Variants in GRAP2 observed in about 807,000 individuals in gnomAD.
GRAP2 encodes GRB2 related adaptor protein 2, also known as GRB2-related adapter protein 2.
In GRAP2, 31 loss-of-function variants were observed where a neutral mutation model predicts 43.5. The ratio of observed to expected loss-of-function variants is 0.71; its 90% confidence interval spans 0.54 to 0.96. GRAP2 has a LOEUF of 0.96. GRAP2 is among the 40% of genes least tolerant of loss of function. The probability of loss-of-function intolerance (pLI) is 0.00; values close to 1 mark genes in which losing one functional copy is unlikely to be tolerated. For missense variants in GRAP2, 371 were observed against 424.4 expected (o/e 0.87, Z 1.11); for synonymous variants, 156 against 164.8 (o/e 0.95, Z 0.41).
At chr22:39,955,360 A>T (rs1304563237) in intron 2 of GRAP2, among the ~76,000 whole-genome samples, 1 of 152,072 alleles carries the variant, frequency 6.6e-6, no homozygotes, top group African/African-American at 2.4e-5. Context: ...CTGTCTCAAA[A>T]AAACGAAAAA....
intron 3 of GRAP2, 102 bp from the exon 4 acceptor site, chr22:39,959,951 CAG>C (rs34078627): frequency 0.026 from 27,116 of 1,030,832 alleles, 454 homozygotes; most frequent in Middle Eastern, 0.041. Flanking sequence ...CCCTACTGTA[CAG>C]AGTCCCCAGC....
chr22:39,971,250 A>C lies in GRAP2; in HGVS notation c.*166A>C, dbSNP rs2067240205. The C allele has an allele frequency of 3.5e-6, 2 of 565,284 alleles. No homozygotes were observed. Among genetic ancestry groups the C allele is most frequent in the South Asian group, 5.1e-5 (2 of 39,362 alleles). 35.0% of individuals were successfully genotyped at this position (565,284 alleles called of 1,614,324 possible). The stretch of plus-strand genomic sequence containing the variant: ...TTTATTGGCAATTGGGCTGGTAATT[A>C]GTTGATGCAAAAGGGAACTCAGGTG... On this transcript the variant is annotated 3_prime_UTR_variant, in exon 8 of 8. Transcript: ENST00000344138.
At chr22:39,925,991 C>G (rs1049404771) in intron 1 of GRAP2, among the ~76,000 whole-genome samples, 7 of 152,232 alleles carry the variant, frequency 4.6e-5, no homozygotes, top group African/African-American at 1.7e-4. Context: ...GAGCTCCATG[C>G]TACCCTGCAT....
intron 1 of GRAP2, among the ~76,000 whole-genome samples, chr22:39,924,442 T>C (rs2066680345): frequency 6.6e-6 from 1 of 152,342 alleles, no homozygotes; most frequent in East Asian, 1.9e-4. Flanking sequence ...GGCTCATGCC[T>C]GTAATCCCAA....
In GRAP2 at chr22:39,947,151, T is replaced by C; in HGVS notation, c.45T>C (p.Asp15=). The change falls in exon 2 of 8, where the codon GAT becomes GAC. Residue 15 remains aspartate, a synonymous_variant. Coordinates refer to ENST00000344138, the MANE Select transcript of GRAP2 (RefSeq NM_004810.4). ...TTGATTTCACTGCTTCAGGTGAGGA[T>C]GAACTGAGCTTTCACACTGGAGATG... ...AKFDFTASGE[D]ELSFHTGDVL... is the part of the protein sequence containing the mutation. 1 of 1,604,580 alleles carries C rather than the reference T, an allele frequency of 6.2e-7. No individual in the cohort carries two copies. The highest frequency in any genetic ancestry group is 8.5e-7 in the Non-Finnish European group (1 of 1,171,268).
intron 5 of GRAP2, 104 bp downstream of exon 5, chr22:39,966,262 A>G: frequency 1.2e-6 from 1 of 835,188 alleles, no homozygotes; most frequent in Non-Finnish European, 1.9e-6. Context: ...TCCTCTGAGT[A>G]TACTGAAAGA....
intron 7 of GRAP2, 33 bp downstream of exon 7, chr22:39,969,566 G>T: frequency 6.2e-7 from 1 of 1,611,504 alleles, no homozygotes. Flanking sequence ...GGATCCCTGG[G>T]GAAAGGCCTT....
chr22:39,969,775 A>G (rs1440234750), intron 7 of GRAP2, among the ~76,000 whole-genome samples: 2 of 152,156 alleles, frequency 1.3e-5, no homozygotes, highest in African/African-American at 4.8e-5. Context: ...TTAGCCAGGC[A>G]TGGTGGCAGA....
intron 3 of GRAP2, among the ~76,000 whole-genome samples, chr22:39,958,081 C>G (rs1601733701): frequency 6.6e-6 from 1 of 152,170 alleles, no homozygotes; most frequent in African/African-American, 2.4e-5. Flanking sequence ...CCACCAGGCT[C>G]CCCATGGGCT....
At chr22:39,920,947 CA>C in intron 1 of GRAP2, among the ~76,000 whole-genome samples, 1 of 38,116 alleles carries the variant, frequency 2.6e-5, no homozygotes, top group Admixed American at 2.3e-4. Flanking sequence ...TACACAGACA[CA>C]CACACACACA....
upstream of GRAP2, among the ~76,000 whole-genome samples, chr22:39,896,598 G>C (rs1156677698): frequency 6.6e-6 from 1 of 152,148 alleles, no homozygotes; most frequent in African/African-American, 2.4e-5. Flanking sequence ...AGAGTAGTCA[G>C]CATATAGAAG....
At chr22:39,963,143 A>AAATC (rs1417250407) in intron 4 of GRAP2, among the ~76,000 whole-genome samples, 2 of 152,224 alleles carry the variant, frequency 1.3e-5, no homozygotes, top group Non-Finnish European at 2.9e-5. Flanking sequence ...TTCCAAAGCA[A>AAATC]AATCATTATT....
At position 39,920,943 on chromosome 22, in the gene GRAP2, GACACACACACACACACAC is replaced by G. The variant is rs137974; in HGVS notation, c.-15+19643_-15+19660del. Among the ~76,000 whole-genome samples the G allele has an allele frequency of 4.9e-3, 692 of 142,584 alleles. 5 individuals are homozygous for G. Among genetic ancestry groups the G allele is most frequent in the African/African-American group, 0.016 (636 of 39,374 alleles). 93.5% of individuals were successfully genotyped at this position (142,584 alleles called of 152,430 possible). A position where few individuals can be genotyped will look rare whatever the true frequency, so the allele number is the denominator to read the frequency against. ...AATGGGTATTTAACTTCTCTACACAGACACACACACACACACACACACACACACACACACACACACACA... is the reference window on the plus strand; with the variant it reads ...AATGGGTATTTAACTTCTCTACACAGACACACACACACACACACACACACA... On this transcript the variant is annotated intron_variant, in intron 1 of 7. Coordinates refer to ENST00000344138, the MANE Select transcript of GRAP2 (RefSeq NM_004810.4).
intron 1 of GRAP2, chr22:39,926,660 A>G (rs2066703249): frequency 1.0e-6 from 1 of 984,862 alleles, no homozygotes; most frequent in South Asian, 4.7e-5. Context: ...GCTGGCTCTC[A>G]GGAGCTGTTT....
At chr22:39,946,179 T>C (rs1057246612) in intron 1 of GRAP2, among the ~76,000 whole-genome samples, 6 of 152,192 alleles carry the variant, frequency 3.9e-5, no homozygotes, top group African/African-American at 7.2e-5. Flanking sequence ...TAATTTGATT[T>C]AACCTTGCAA....
chr22:39,944,466 T>C (rs1482739416), intron 1 of GRAP2, among the ~76,000 whole-genome samples: 1 of 152,142 alleles, frequency 6.6e-6, no homozygotes, highest in Non-Finnish European at 1.5e-5. Flanking sequence ...GCTGGGCAGA[T>C]TTCATCTCAC....
intron 1 of GRAP2, among the ~76,000 whole-genome samples, chr22:39,942,885 A>T (rs2066885167): frequency 1.3e-5 from 2 of 152,210 alleles, no homozygotes; most frequent in African/African-American, 4.8e-5. Flanking sequence ...CTCTCTTTTT[A>T]AAAAATTTCA....
intron 7 of GRAP2, 120 bp downstream of exon 7, chr22:39,969,653 C>A: frequency 9.5e-7 from 1 of 1,053,362 alleles, no homozygotes; most frequent in Non-Finnish European, 1.4e-6. Context: ...GTGGCTCACA[C>A]CTGTAATCCC....
chr22:39,919,262 C>G (rs148652521), intron 1 of GRAP2, among the ~76,000 whole-genome samples: 1 of 152,186 alleles, frequency 6.6e-6, no homozygotes, highest in African/African-American at 2.4e-5. Flanking sequence ...TGTACCAGCT[C>G]CTAAACATTA....
Sources: allele counts gnomAD v4.1 joint callset (sites outside exome capture counted in the v4.1 genomes callset), GRCh38; gene constraint gnomAD v4.1.1; transcripts MANE v1.5; gene names NCBI Gene and HGNC (gene_info 2026-07-23, HGNC 2026-07-21).